The following MYCBP2 variants were observed in gnomAD, a reference collection of about 807,000 sequenced individuals.
The protein encoded by MYCBP2 is MYC binding protein 2.
In MYCBP2, 120 loss-of-function variants were observed where a neutral mutation model predicts 525.3. That is an observed-to-expected ratio of 0.23 (90% confidence interval 0.20 to 0.27). The LOEUF (loss-of-function observed/expected upper bound fraction) is 0.27. Among genes scored for constraint, MYCBP2 ranks in the 10% least tolerant of loss-of-function variants. The probability of loss-of-function intolerance (pLI) is 1.00; values close to 1 mark genes in which losing one functional copy is unlikely to be tolerated. For missense variants in MYCBP2, 4,149 were observed against 5,657.1 expected, an observed-to-expected ratio of 0.73 and a Z score of 8.55; for synonymous variants, 1,894 against 1,955.8, an observed-to-expected ratio of 0.97 and a Z score of 0.83.
chr13:77,048,135 C>T (rs2035978796), intron 82 of MYCBP2, among the ~76,000 whole-genome samples: 1 of 152,022 alleles, frequency 6.6e-6, no homozygotes, highest in Admixed American at 6.5e-5. Context: ...GGAGGTGGAG[C>T]TGTGGGAGGT....
chr13:77,311,595 A>G (rs2154376215), intron 1 of MYCBP2, among the ~76,000 whole-genome samples: 1 of 150,194 alleles, frequency 6.7e-6, no homozygotes, highest in South Asian at 2.1e-4. Flanking sequence ...TTTTTAAAGA[A>G]CCAAATGTAA....
chr13:77,175,073 T>C (rs983694393), intron 36 of MYCBP2, among the ~76,000 whole-genome samples: 1 of 146,824 alleles, frequency 6.8e-6, no homozygotes, highest in Non-Finnish European at 1.5e-5. Flanking sequence ...CTCCCACCGG[T>C]GTGTTCCATC....
At chr13:77,214,948 T>C (rs1283208339) in intron 21 of MYCBP2, among the ~76,000 whole-genome samples, 1 of 152,124 alleles carries the variant, frequency 6.6e-6, no homozygotes, top group Non-Finnish European at 1.5e-5. Context: ...TACATACATA[T>C]ATAGGTATAT....
chr13:77,248,318 T>TA (rs1329990878), intron 15 of MYCBP2, among the ~76,000 whole-genome samples: 1 of 151,688 alleles, frequency 6.6e-6, no homozygotes, highest in African/African-American at 2.4e-5. Context: ...ATCAACAGAG[T>TA]AAAAACACAA....
chr13:77,098,974 G>A lies in MYCBP2; in HGVS notation c.8180C>T (p.Ser2727Phe). 1 of 1,611,228 alleles carries A rather than the reference G, an allele frequency of 6.2e-7. No individual in the cohort carries two copies. The highest frequency in any genetic ancestry group is 8.5e-7 in the Non-Finnish European group (1 of 1,179,612). The change falls in exon 56 of 83, where the codon TCT (serine) becomes TTT (phenylalanine). Residue 2727 changes from serine (S) to phenylalanine (F), a missense_variant. Ser to Phe is a radical substitution (Grantham distance 155). Transcript: ENST00000544440. ...GNISTSSKPA[S>F]TSGKSELSSK... ...GGACAGCTCTGATTTTCCTGATGTA[G>A]AGGCTGGTTTAGAAGATGTTGAGAT...
intron 7 of MYCBP2, 27 bp downstream of exon 7, chr13:77,269,965 T>G (rs1027753450): frequency 6.5e-7 from 1 of 1,544,342 alleles, no homozygotes; most frequent in African/African-American, 1.4e-5. Context: ...ATAAGAAAAT[T>G]TTGGTTTATT....
chr13:77,156,233 C>T (rs759610630), intron 45 of MYCBP2, 31 bp from the exon 46 acceptor site: 1 of 1,585,274 alleles, frequency 6.3e-7, no homozygotes, highest in Admixed American at 1.8e-5. Context: ...ATAAACAAAA[C>T]CCCAAACACT....
rs139897314 is a variant in MYCBP2 at position 77,139,920 on chromosome 13, G to C, written c.7518+127C>G. ...CTCAATGAACACATTCTATAAAATA[G>C]TTTTAAAATATTTCCCAAACTGCTT... On this transcript the variant is annotated intron_variant, in intron 51 of 82. Transcript: ENST00000544440. 3.3e-3 allele frequency: 1,890 copies of C among 573,902 alleles called. 27 individuals are homozygous for C. Among genetic ancestry groups the C allele is most frequent in the African/African-American group, 0.031 (1,644 of 52,960 alleles). 35.6% of individuals were successfully genotyped at this position (573,902 alleles called of 1,614,324 possible).
chr13:77,210,202 T>C (rs866401331), intron 23 of MYCBP2, among the ~76,000 whole-genome samples: 7 of 150,604 alleles, frequency 4.6e-5, no homozygotes, highest in East Asian at 2.0e-4. Flanking sequence ...AATTTTTTTT[T>C]CTTTTTTTTT....
At chr13:77,059,119 A>C (rs1359892446) in intron 77 of MYCBP2, among the ~76,000 whole-genome samples, 2 of 151,958 alleles carry the variant, frequency 1.3e-5, no homozygotes, top group African/African-American at 4.8e-5. Flanking sequence ...ATTCTTATTA[A>C]TTGAGAAACC....
At chr13:77,266,348 A>T (rs886153487) in intron 8 of MYCBP2, among the ~76,000 whole-genome samples, 2 of 152,174 alleles carry the variant, frequency 1.3e-5, no homozygotes, top group African/African-American at 4.8e-5. Context: ...CTCAAACATT[A>T]ATCAATGGAA....
At chr13:77,267,712 T>A (rs1452838771) in intron 8 of MYCBP2, 129 bp downstream of exon 8, 2 of 705,516 alleles carry the variant, frequency 2.8e-6, no homozygotes, top group Admixed American at 5.4e-5. Flanking sequence ...GCTTTGTATG[T>A]CAAGATTTTT....
chr13:77,255,067 A>G (rs976437769), intron 14 of MYCBP2, among the ~76,000 whole-genome samples: 13 of 152,140 alleles, frequency 8.5e-5, no homozygotes, highest in African/African-American at 3.1e-4. Flanking sequence ...CTGAGAATGC[A>G]GGCATCTCTC....
intron 49 of MYCBP2, among the ~76,000 whole-genome samples, chr13:77,141,574 C>G (rs896468015): frequency 8.5e-5 from 13 of 152,058 alleles, no homozygotes. Context: ...AGTTCAAGAT[C>G]AGCCTGGCCA....
intron 38 of MYCBP2, among the ~76,000 whole-genome samples, chr13:77,170,857 GA>G (rs2059071413): frequency 6.6e-6 from 1 of 152,120 alleles, no homozygotes; most frequent in African/African-American, 2.4e-5. Flanking sequence ...TTACAGGCAT[GA>G]GCCACCATGT....
At chr13:77,077,488 T>G (rs938410145) in intron 66 of MYCBP2, 101 bp from the exon 67 acceptor site, 1 of 1,380,048 alleles carries the variant, frequency 7.2e-7, no homozygotes, top group African/African-American at 1.4e-5. Context: ...TAACAAAGAA[T>G]TGCACAGAGT....
intron 55 of MYCBP2, among the ~76,000 whole-genome samples, chr13:77,100,925 C>T (rs1255366296): frequency 6.6e-6 from 1 of 151,986 alleles, no homozygotes; most frequent in Non-Finnish European, 1.5e-5. Flanking sequence ...TGAATAAGTA[C>T]CCTTAAACTG....
chr13:77,247,477 TG>T (rs2070256248), intron 15 of MYCBP2, among the ~76,000 whole-genome samples: 1 of 152,224 alleles, frequency 6.6e-6, no homozygotes, highest in African/African-American at 2.4e-5. Flanking sequence ...GAAGACTTAA[TG>T]TTTTTAAGAT....
At chr13:77,217,658 T>C (rs1285851115) in intron 21 of MYCBP2, among the ~76,000 whole-genome samples, 182 bp downstream of exon 21, 1 of 152,038 alleles carries the variant, frequency 6.6e-6, no homozygotes, top group Non-Finnish European at 1.5e-5. Context: ...GAGAGGAAAA[T>C]TACTTCAAAG....
Sources: gnomAD v4.1 joint callset for allele counts (sites outside exome capture counted in the v4.1 genomes callset) on GRCh38, gnomAD v4.1.1 for gene constraint, MANE v1.5 for transcripts, NCBI Gene and HGNC (gene_info 2026-07-23, HGNC 2026-07-21) for gene names.